The following MGA variants were observed in gnomAD, a reference collection of about 807,000 sequenced individuals.
MGA encodes the protein MAX dimerization protein MGA, also known as MAX gene-associated protein.
Under a neutral mutation model 261.1 loss-of-function variants are expected in MGA, and 40 were observed. That is an observed-to-expected ratio of 0.15 (90% confidence interval 0.12 to 0.20). MGA has a LOEUF of 0.20. MGA is among the 10% of genes least tolerant of loss of function. The pLI is 1.00. For missense variants in MGA, 3,397 were observed against 3,630.5 expected, an observed-to-expected ratio of 0.94 and a Z score of 1.65; for synonymous variants, 1,302 against 1,290.6, an observed-to-expected ratio of 1.01 and a Z score of -0.19.
chr15:41,636,071 C>G (rs1776771310), intron 1 of MGA, among the ~76,000 whole-genome samples: 2 of 152,140 alleles, frequency 1.3e-5, no homozygotes, highest in East Asian at 3.9e-4. Flanking sequence ...AGCTGTGTTA[C>G]TGGAGTATGC....
chr15:41,641,699 A>G (rs988121148), intron 1 of MGA, among the ~76,000 whole-genome samples: 1 of 151,628 alleles, frequency 6.6e-6, no homozygotes, highest in African/African-American at 2.4e-5. Context: ...CATATTGGCC[A>G]GGATGGTCTC....
chr15:41,736,372 G>A lies in MGA; in HGVS notation c.4108G>A (p.Gly1370Ser). ...CAACATGCCACAATCACTTAAGGTG[G>A]GCAGCTTCATCATTGAGTTGGCTTC... is the stretch of plus-strand genomic sequence containing the variant. The change falls in exon 13 of 24, where the codon GGC becomes AGC. Residue 1370 changes from glycine (G) to serine (S), a missense_variant. Gly to Ser is a moderately conservative substitution (Grantham distance 56, BLOSUM62 0). This residue lies in a region of MGA where 1,410 missense variants were observed against 1,386.4 expected (regional missense o/e 1.02). Transcript: ENST00000219905. 1 of 1,613,932 alleles carries A rather than the reference G, an allele frequency of 6.2e-7. No individual in the cohort carries two copies. The highest frequency in any genetic ancestry group is 8.5e-7 in the Non-Finnish European group (1 of 1,179,870).
At position 41,722,216 on chromosome 15, in the gene MGA, G is replaced by T. The variant is rs1050773486; in HGVS notation, c.3431-4964G>T. The stretch of plus-strand genomic sequence containing the variant: ...GCGACCTCGGCTCACTGCAAACTCC[G>T]CCTCCCGGGTTCACACCATTCTCCT... On this transcript the variant is annotated intron_variant, in intron 9 of 23. Transcript: ENST00000219905. Among the ~76,000 whole-genome samples the T allele has an allele frequency of 2.9e-5, 4 of 137,084 alleles. No homozygotes were observed. The Admixed American group carries it at 3.3e-4, about 11-fold the overall frequency. The allele number at this position is 137,084 out of a possible 152,430, so 89.9% of individuals were successfully genotyped here.
intron 3 of MGA, among the ~76,000 whole-genome samples, chr15:41,698,203 C>T (rs1392615756): frequency 2.6e-5 from 3 of 116,678 alleles, no homozygotes; most frequent in Non-Finnish European, 3.3e-5. Flanking sequence ...CGGAATCTTG[C>T]TCTGTCACCA....
At chr15:41,724,225 A>G (rs914496717) in intron 9 of MGA, among the ~76,000 whole-genome samples, 2 of 152,226 alleles carry the variant, frequency 1.3e-5, no homozygotes, top group African/African-American at 4.8e-5. Flanking sequence ...GAACCTCTTA[A>G]TACCACCTTC....
At chr15:41,707,637 G>T in intron 5 of MGA, 91 bp from the exon 6 acceptor site, 1 of 1,216,514 alleles carries the variant, frequency 8.2e-7, no homozygotes, top group Non-Finnish European at 1.1e-6. Flanking sequence ...TTACCCCCCC[G>T]CCATCTCCCA....
At chr15:41,743,621 G>C (rs1595940573) in intron 15 of MGA, among the ~76,000 whole-genome samples, 5 of 152,330 alleles carry the variant, frequency 3.3e-5, no homozygotes, top group Admixed American at 3.3e-4. Context: ...CTGAGAGCTA[G>C]GGGTGCACAT....
chr15:41,697,655 G>A (rs1272226706), intron 3 of MGA, among the ~76,000 whole-genome samples: 1 of 152,060 alleles, frequency 6.6e-6, no homozygotes, highest in African/African-American at 2.4e-5. Flanking sequence ...GCCTCCAGCA[G>A]TCTGCCTGCT....
At chr15:41,707,159 C>T (rs954835162) in intron 5 of MGA, among the ~76,000 whole-genome samples, 5 of 152,114 alleles carry the variant, frequency 3.3e-5, no homozygotes, top group Admixed American at 6.6e-5. Flanking sequence ...AATTAGTTAC[C>T]TTGCTTAATA....
chr15:41,656,159 A>C (rs978425514), upstream of MGA, among the ~76,000 whole-genome samples: 9 of 152,152 alleles, frequency 5.9e-5, no homozygotes, highest in African/African-American at 2.2e-4. Context: ...TTACCTGATC[A>C]TGAGGGTTAG....
intron 7 of MGA, among the ~76,000 whole-genome samples, chr15:41,710,148 T>C (rs557991468): frequency 2.6e-5 from 4 of 152,326 alleles, no homozygotes; most frequent in Non-Finnish European, 4.4e-5. Flanking sequence ...TTTTTACTTA[T>C]CTTTGGTCTC....
At chr15:41,702,285 C>A (rs1481549834) in intron 5 of MGA, among the ~76,000 whole-genome samples, 1 of 150,606 alleles carries the variant, frequency 6.6e-6, no homozygotes, top group Non-Finnish European at 1.5e-5. Context: ...ATCGCGCCAC[C>A]ACACTCCAGC....
intron 1 of MGA, among the ~76,000 whole-genome samples, chr15:41,627,728 T>C (rs2056489544): frequency 6.6e-6 from 1 of 152,018 alleles, no homozygotes; most frequent in East Asian, 1.9e-4. Context: ...CAAGGAAAAA[T>C]AATGACGAAG....
chr15:41,671,624 C>G (rs568864999), intron 2 of MGA, among the ~76,000 whole-genome samples: 76 of 152,268 alleles, frequency 5.0e-4, no homozygotes, highest in Middle Eastern at 6.8e-3. Context: ...CCACCGCGCC[C>G]GGCCTGAACT....
chr15:41,750,738 T>A, intron 17 of MGA, 123 bp downstream of exon 17: 1 of 897,998 alleles, frequency 1.1e-6, no homozygotes, highest in Non-Finnish European at 1.6e-6. Flanking sequence ...GGTTTAAGAT[T>A]ATGACTTAAA....
intron 2 of MGA, among the ~76,000 whole-genome samples, chr15:41,677,887 A>C (rs1429092923): frequency 1.3e-5 from 2 of 151,992 alleles, no homozygotes; most frequent in African/African-American, 4.8e-5. Flanking sequence ...TTGTCTTTTC[A>C]TTCTTATATA....
chr15:41,687,306 A>G (rs960100069), intron 2 of MGA, among the ~76,000 whole-genome samples: 1 of 151,956 alleles, frequency 6.6e-6, no homozygotes, highest in Non-Finnish European at 1.5e-5. Context: ...GTGATTGGGG[A>G]AAAAAAATAG....
At chr15:41,639,796 C>T (rs934579463) in intron 1 of MGA, among the ~76,000 whole-genome samples, 1 of 152,020 alleles carries the variant, frequency 6.6e-6, no homozygotes, top group Non-Finnish European at 1.5e-5. Context: ...GATCTGCCTG[C>T]CTTGGCCTCC....
At chr15:41,764,804 A>G (rs562048710) in intron 22 of MGA, 82 bp from the exon 23 acceptor site, 2 of 1,423,864 alleles carry the variant, frequency 1.4e-6, no homozygotes, top group African/African-American at 1.4e-5. Flanking sequence ...TCAGCCTCCC[A>G]AAGTGCTGGG....
Sources: allele counts gnomAD v4.1 joint callset (sites outside exome capture counted in the v4.1 genomes callset), GRCh38; gene constraint gnomAD v4.1.1; regional missense constraint gnomAD v4.1.1; transcripts MANE v1.5; gene names NCBI Gene and HGNC (gene_info 2026-07-23, HGNC 2026-07-21).